Variants in NALCN observed in about 807,000 individuals in gnomAD.
The protein encoded by NALCN is sodium leak channel, non-selective.
A neutral mutation model predicts 225.3 loss-of-function variants in NALCN; 111 were observed. The ratio of observed to expected loss-of-function variants is 0.49; its 90% CI spans 0.42 to 0.58. The LOEUF (loss-of-function observed/expected upper bound fraction) is 0.58. Among genes scored for constraint, NALCN ranks in the 20% least tolerant of loss-of-function variants. The probability of loss-of-function intolerance (pLI) is 0.00; values close to 1 mark genes in which losing one functional copy is unlikely to be tolerated. For missense variants in NALCN, 1,378 were observed against 2,202.4 expected (o/e 0.63, Z 7.49); for synonymous variants, 764 against 769.0 (o/e 0.99, Z 0.11).
intron 13 of NALCN, among the ~76,000 whole-genome samples, chr13:101,211,995 TA>T (rs977363414): frequency 2.0e-5 from 3 of 151,678 alleles, no homozygotes; most frequent in East Asian, 1.9e-4. Flanking sequence ...AAAAAAAAAT[TA>T]AAAAAAATAA....
chr13:101,142,961 A>C, intron 17 of NALCN, 119 bp downstream of exon 17: 1 of 1,329,354 alleles, frequency 7.5e-7, no homozygotes, highest in Non-Finnish European at 1.1e-6. Flanking sequence ...AAATGAAATC[A>C]TTTTATTTTC....
chr13:101,375,431 T>C (rs1436592192), intron 6 of NALCN, among the ~76,000 whole-genome samples: 1 of 152,242 alleles, frequency 6.6e-6, no homozygotes, highest in Non-Finnish European at 1.5e-5. Flanking sequence ...GATATTCACT[T>C]ATTTGTGGTT....
chr13:101,257,792 TA>T (rs1287460073), intron 11 of NALCN, among the ~76,000 whole-genome samples: 3 of 152,174 alleles, frequency 2.0e-5, no homozygotes, highest in African/African-American at 7.2e-5. Context: ...GGAAAATTAT[TA>T]AAATGCTTTA....
intron 15 of NALCN, among the ~76,000 whole-genome samples, chr13:101,153,254 T>C (rs1279416015): frequency 6.6e-6 from 1 of 152,232 alleles, no homozygotes; most frequent in African/African-American, 2.4e-5. Context: ...GCAATATGCC[T>C]GTAATTTGAA....
intron 6 of NALCN, among the ~76,000 whole-genome samples, chr13:101,369,166 A>ATGTGTGTG (rs56739782): frequency 0.02 from 2,967 of 146,404 alleles, 79 homozygotes; most frequent in African/African-American, 0.057. Flanking sequence ...GACAAAATAA[A>ATGTGTGTG]TGTGTGTGTG....
intron 27 of NALCN, among the ~76,000 whole-genome samples, chr13:101,098,841 C>T (rs377455243): frequency 2.6e-5 from 4 of 152,004 alleles, no homozygotes; most frequent in Non-Finnish European, 4.4e-5. Context: ...CCCGTCTCAC[C>T]GTGCCAATTT....
intron 19 of NALCN, 144 bp from the exon 20 acceptor site, chr13:101,110,832 A>G (rs2035388716): frequency 1.1e-5 from 9 of 833,722 alleles, no homozygotes; most frequent in Admixed American, 9.3e-5. Flanking sequence ...AGAAGCTTAT[A>G]CTCTCTCCAA....
rs114352370 is a variant in NALCN at position 101,121,801 on chromosome 13, G to C, written c.2192+2807C>G. Reference sequence around the variant, plus strand: ...GCTAAGTTATCCAGGAACCTTGGCAGAGTTTAATCGACAGCAAGGTTGGAG... The same window carrying C: ...GCTAAGTTATCCAGGAACCTTGGCACAGTTTAATCGACAGCAAGGTTGGAG... On this transcript the variant is annotated intron_variant, in intron 18 of 43. Coordinates refer to ENST00000251127, the MANE Select transcript of NALCN (RefSeq NM_052867.4). 3.5e-3 allele frequency among the ~76,000 whole-genome samples: 538 copies of C among 152,290 alleles called. 2 individuals carry two copies. The highest frequency in any genetic ancestry group is 0.013 in the African/African-American group (523 of 41,556).
chr13:101,308,162 G>A (rs980761545), intron 7 of NALCN, among the ~76,000 whole-genome samples: 2 of 152,114 alleles, frequency 1.3e-5, no homozygotes, highest in African/African-American at 4.8e-5. Flanking sequence ...ATAATGGACT[G>A]GGCATTTTGT....
At chr13:101,107,403 C>A (rs1340061274) in intron 22 of NALCN, 84 bp downstream of exon 22, 1 of 1,598,148 alleles carries the variant, frequency 6.3e-7, no homozygotes, top group African/African-American at 1.3e-5. Flanking sequence ...ATTAGGATTA[C>A]ACGTTCCTTC....
intron 7 of NALCN, among the ~76,000 whole-genome samples, chr13:101,337,525 C>G (rs1191186786): frequency 6.6e-6 from 1 of 152,124 alleles, no homozygotes; most frequent in Non-Finnish European, 1.5e-5. Context: ...CCAGGCTGGT[C>G]TTGAATTCCT....
intron 16 of NALCN, 37 bp downstream of exon 16, chr13:101,144,723 A>G (rs1365330775): frequency 6.3e-7 from 1 of 1,587,092 alleles, no homozygotes; most frequent in East Asian, 2.2e-5. Context: ...CTTTTACAAT[A>G]TATGTGAAAT....
At chr13:101,262,774 A>G (rs2042472286) in intron 10 of NALCN, among the ~76,000 whole-genome samples, 1 of 152,126 alleles carries the variant, frequency 6.6e-6, no homozygotes, top group Non-Finnish European at 1.5e-5. Flanking sequence ...CTCTGGGCCA[A>G]ACTGCCTGGA....
intron 12 of NALCN, among the ~76,000 whole-genome samples, chr13:101,235,873 G>T (rs1172782007): frequency 2.0e-5 from 3 of 152,074 alleles, no homozygotes; most frequent in Non-Finnish European, 4.4e-5. Flanking sequence ...CTGTGATCTG[G>T]CAGTTAAAGT....
intron 17 of NALCN, among the ~76,000 whole-genome samples, chr13:101,133,351 A>T (rs1555295570): frequency 2.0e-5 from 3 of 152,130 alleles, no homozygotes; most frequent in Admixed American, 2.0e-4. Flanking sequence ...TTCTTTTCTC[A>T]CTTTACAAAT....
intron 7 of NALCN, among the ~76,000 whole-genome samples, chr13:101,325,785 AGAGGTGTTATCAT>A (rs1345127690): frequency 2.0e-5 from 3 of 152,190 alleles, no homozygotes; most frequent in Non-Finnish European, 4.4e-5. Flanking sequence ...AGAATATGTA[AGAGGTGTTATCAT>A]TATTTTGACT....
intron 14 of NALCN, among the ~76,000 whole-genome samples, chr13:101,179,720 T>G (rs1449157118): frequency 6.6e-6 from 1 of 152,176 alleles, no homozygotes; most frequent in African/African-American, 2.4e-5. Context: ...TGATTCCCAG[T>G]GATGTCCTCC....
intron 28 of NALCN, among the ~76,000 whole-genome samples, chr13:101,092,812 A>G (rs897689213): frequency 6.6e-6 from 1 of 152,188 alleles, no homozygotes; most frequent in East Asian, 1.9e-4. Context: ...TTCCTAGAAC[A>G]TATCACAGTG....
chr13:101,083,168 TCATACATTTTAGCTCTAAAAC>T lies in NALCN; in HGVS notation c.3593_3613del (p.Gly1198_Tyr1204del), dbSNP rs1227872871. 6.2e-7 allele frequency: 1 copy of T among 1,614,132 alleles called. No individual in the cohort carries two copies. ...CTTAAAAAATGGATGCTGGGTTATGTCATACATTTTAGCTCTAAAACCATCATTATCTAGAAAAGAAAGGTT... is the reference window on the plus strand; with the variant it reads ...CTTAAAAAATGGATGCTGGGTTATGTCATCATTATCTAGAAAAGAAAGGTT... On this transcript the variant is annotated inframe_deletion, in exon 32 of 44. Coordinates refer to ENST00000251127, the MANE Select transcript of NALCN (RefSeq NM_052867.4).
Sources: allele counts gnomAD v4.1 joint callset (sites outside exome capture counted in the v4.1 genomes callset), GRCh38; gene constraint gnomAD v4.1.1; transcripts MANE v1.5; gene names NCBI Gene and HGNC (gene_info 2026-07-23, HGNC 2026-07-21).